Variants in ACP4 observed in about 807,000 individuals in gnomAD.
ACP4 encodes testicular acid phosphatase.
ACP4 carries 49 observed loss-of-function variants against 47.3 expected under a neutral mutation model. The ratio of observed to expected loss-of-function variants is 1.04; its 90% confidence interval spans 0.82 to 1.32. The LOEUF (loss-of-function observed/expected upper bound fraction) is 1.32. Among genes scored for constraint, ACP4 ranks in the 40% most tolerant of loss-of-function variants. ACP4 has a pLI of 0.00. For missense variants in ACP4, 594 were observed against 579.3 expected, an observed-to-expected ratio of 1.03 and a Z score of -0.26; for synonymous variants, 299 against 265.3, an observed-to-expected ratio of 1.13 and a Z score of -1.23.
At chr19:50,792,823 C>T (rs1599911601) in intron 6 of ACP4, 1 of 152,872 alleles carries the variant, frequency 6.5e-6, no homozygotes, top group Admixed American at 6.5e-5. Context: ...CTGAGGCAGG[C>T]AGGGGCACAC....
At chr19:50,794,287 T>C (rs1200907153) in intron 8 of ACP4, among the ~76,000 whole-genome samples, 170 bp from the exon 9 acceptor site, 2 of 152,198 alleles carry the variant, frequency 1.3e-5, no homozygotes, top group Non-Finnish European at 2.9e-5. Flanking sequence ...GAGCAATCTT[T>C]ATTAAGTGGC....
At chr19:50,794,608 A>T (rs753330814) in intron 9 of ACP4, 27 bp downstream of exon 9, 1 of 1,613,968 alleles carries the variant, frequency 6.2e-7, no homozygotes, top group African/African-American at 1.3e-5. Context: ...GCCCAGGGAC[A>T]TGGGTGGGAC....
At chr19:50,792,426 G>A in intron 6 of ACP4, 89 bp downstream of exon 6, 1 of 1,352,610 alleles carries the variant, frequency 7.4e-7, no homozygotes, top group Non-Finnish European at 1.0e-6. Context: ...CCTCAGGCAT[G>A]TAGTTAATCC....
In ACP4 at chr19:50,792,065, T is replaced by C. The variant is rs759788088; in HGVS notation, c.451-8T>C. 3.4e-5 allele frequency: 53 copies of C among 1,568,454 alleles called. No individual in the cohort carries two copies. Among genetic ancestry groups the C allele is most frequent in the Non-Finnish European group, 4.4e-5 (51 of 1,157,114 alleles). ...CGGCTGTCCTCTCTGAGACTCAGTT[T>C]TCCCCAGCTGCTGAGGTTCCCCATG... On this transcript the variant is annotated splice_polypyrimidine_tract_variant and splice_region_variant and intron_variant, in intron 4 of 10. Coordinates refer to ENST00000270593, the MANE Select transcript of ACP4 (RefSeq NM_033068.3).
At chr19:50,792,867 T>G (rs1568465191) in intron 6 of ACP4, 1 of 152,408 alleles carries the variant, frequency 6.6e-6, no homozygotes, top group East Asian at 1.9e-4. Flanking sequence ...AAAATTAATT[T>G]TTTGCAGAGA....
Position 50,791,824 on chromosome 19 carries a change from G to T in ACP4, c.450+22G>T, listed in dbSNP as rs867585660. 6 of 1,572,684 alleles carry T rather than the reference G, an allele frequency of 3.8e-6. No homozygotes were observed. In the South Asian group the frequency reaches 4.5e-5, roughly 12 times the overall value. ...TAAGGTCAGGGGGCTGGACCCACGT[G>T]TGGCGAGGGAGGGAGCGGGTGGAGA... On this transcript the variant is annotated intron_variant, in intron 4 of 10. Transcript: ENST00000270593.
chr19:50,793,904 T>C lies in ACP4; in HGVS notation c.795T>C (p.Ala265=), dbSNP rs757027707. The change falls in exon 8 of 11, where the codon GCT becomes GCC. Residue 265 remains alanine (A), a synonymous_variant. Transcript: ENST00000270593. The part of the protein sequence containing the change: ...AQLTGGILLN[A]ILANFSRVQR... ...CATCCTCAGGGATCCTGCTGAATGC[T>C]ATCCTTGCAAACTTCTCCCGGGTCC... is the stretch of plus-strand genomic sequence containing the variant. The C allele has an allele frequency of 1.9e-6, 3 of 1,614,070 alleles. No individual in the cohort carries two copies. Among genetic ancestry groups the C allele is most frequent in the Non-Finnish European group, 2.5e-6 (3 of 1,180,054 alleles).
In ACP4 at chr19:50,793,875, T is replaced by A; in HGVS notation, c.779-13T>A. On this transcript the variant is annotated splice_polypyrimidine_tract_variant and intron_variant, in intron 7 of 10. Coordinates refer to ENST00000270593, the MANE Select transcript of ACP4 (RefSeq NM_033068.3). Reference sequence around the variant, plus strand: ...CCTCTGGGAGAGTCTAAGCTCTTTTTTCCCATCCTCAGGGATCCTGCTGAA... The same window carrying A: ...CCTCTGGGAGAGTCTAAGCTCTTTTATCCCATCCTCAGGGATCCTGCTGAA... 6.2e-7 allele frequency: 1 copy of A among 1,614,162 alleles called. No individual in the cohort carries two copies. The highest frequency in any genetic ancestry group is 1.1e-5 in the South Asian group (1 of 91,090).
At position 50,794,801 on chromosome 19, in the gene ACP4, C is replaced by T. The variant is rs2089542176; in HGVS notation, c.1002C>T (p.Ser334=). Residue 334 remains serine (S), a synonymous_variant, in exon 10 of 11, where the codon TCC becomes TCT. Transcript: ENST00000270593. ...CTCTCTCCAGGAATGTCACCGTCTC[C>T]CTCTTCTACCGCAATGACTCCGCCC... is the stretch of plus-strand genomic sequence containing the variant. ...PAKDGGNVTV[S]LFYRNDSAHL... The T allele has an allele frequency of 6.2e-7, 1 of 1,604,366 alleles. No individual in the cohort carries two copies. Among genetic ancestry groups the T allele is most frequent in the Non-Finnish European group, 8.5e-7 (1 of 1,174,044 alleles).
At chr19:50,793,582 G>C in intron 6 of ACP4, 102 bp from the exon 7 acceptor site, 1 of 1,491,846 alleles carries the variant, frequency 6.7e-7, no homozygotes. Context: ...ATCCAGATCC[G>C]GCCCATGGGG....
rs1599910760 is a variant in ACP4 at position 50,791,928 on chromosome 19, G to C, written c.450+126G>C. On this transcript the variant is annotated intron_variant, in intron 4 of 10. Coordinates refer to ENST00000270593, the MANE Select transcript of ACP4 (RefSeq NM_033068.3). ...CCTCGAGCTGGTCTGTCCAGACCAG[G>C]GTGAGCCCCGGCCCACGCTGCTCTC... 2.1e-6 allele frequency: 3 copies of C among 1,450,520 alleles called. No individual in the cohort carries two copies. In the East Asian group the frequency reaches 7.5e-5, roughly 36 times the overall value. The allele number at this position is 1,450,520 out of a possible 1,614,324, so 89.9% of individuals were successfully genotyped here.
intron 9 of ACP4, 22 bp downstream of exon 9, chr19:50,794,603 G>A: frequency 6.2e-7 from 1 of 1,613,994 alleles, no homozygotes. Context: ...TTGGTGCCCA[G>A]GGACATGGGT....
In ACP4 at chr19:50,791,816, A is replaced by T. The variant is rs772721896; in HGVS notation, c.450+14A>T. 2 of 1,581,984 alleles carry T rather than the reference A, an allele frequency of 1.3e-6. No homozygotes were observed. The highest frequency in any genetic ancestry group is 1.7e-6 in the Non-Finnish European group (2 of 1,161,796). On this transcript the variant is annotated intron_variant, in intron 4 of 10. Coordinates refer to ENST00000270593, the MANE Select transcript of ACP4 (RefSeq NM_033068.3). ...GCTGAGGATAAGGTCAGGGGGCTGG[A>T]CCCACGTGTGGCGAGGGAGGGAGCG...
rs1432715198 is a variant in ACP4, at chr19:50,794,480, C to G, written c.885C>G (p.Leu295=). 1.2e-6 allele frequency: 2 copies of G among 1,613,486 alleles called. No homozygotes were observed. Among genetic ancestry groups the G allele is most frequent in the Non-Finnish European group, 1.7e-6 (2 of 1,179,914 alleles). Residue 295 remains leucine, a synonymous_variant, in exon 9 of 11, where the codon CTC becomes CTG. Coordinates refer to ENST00000270593, the MANE Select transcript of ACP4 (RefSeq NM_033068.3). ...YSAHDSTLLA[L]QGALGLYDGH... The stretch of plus-strand genomic sequence containing the variant: ...AGCATGACAGCACCCTGCTGGCCCT[C>G]CAGGGGGCCCTGGGCCTCTATGATG...
At position 50,794,981 on chromosome 19, in the gene ACP4, T is replaced by C; in HGVS notation, c.1165+17T>C. ...TCCCCCCAGGTGACAGTCCTCTGTG[T>C]TGGGGTGGGAGTGGAGGGTTGCCAA... On this transcript the variant is annotated intron_variant, in intron 10 of 10. Coordinates refer to ENST00000270593, the MANE Select transcript of ACP4 (RefSeq NM_033068.3). 1 of 1,613,466 alleles carries C rather than the reference T, an allele frequency of 6.2e-7. No individual in the cohort carries two copies. The highest frequency in any genetic ancestry group is 1.7e-4 in the Middle Eastern group (1 of 6,056).
chr19:50,790,892 T>C (rs750759139), intron 3 of ACP4, 32 bp downstream of exon 3: 278 of 1,529,814 alleles, frequency 1.8e-4, no homozygotes, highest in Non-Finnish European at 2.3e-4. Flanking sequence ...CCTGGCCCCC[T>C]GACCTCCCAC....
chr19:50,793,821 G>A lies in ACP4; in HGVS notation c.778+5G>A, dbSNP rs1268053537. Reference sequence around the variant, plus strand: ...AGAAGGCCCAGCTGACAGGGGGTGAGGTGTGGGTCTGGGAGGCTGGGGTGC... The same window carrying A: ...AGAAGGCCCAGCTGACAGGGGGTGAAGTGTGGGTCTGGGAGGCTGGGGTGC... On this transcript the variant is annotated splice_donor_5th_base_variant and intron_variant, in intron 7 of 10. Coordinates refer to ENST00000270593, the MANE Select transcript of ACP4 (RefSeq NM_033068.3). 1 of 1,614,044 alleles carries A rather than the reference G, an allele frequency of 6.2e-7. No homozygotes were observed. Among genetic ancestry groups the A allele is most frequent in the South Asian group, 1.1e-5 (1 of 91,092 alleles).
intron 6 of ACP4, 60 bp from the exon 7 acceptor site, chr19:50,793,624 T>C (rs1284277324): frequency 3.1e-6 from 5 of 1,593,348 alleles, no homozygotes; most frequent in African/African-American, 2.7e-5. Flanking sequence ...AGCACAGGCC[T>C]GCGGGGCCAG....
Position 50,792,134 on chromosome 19 carries a change from A to T in ACP4, c.512A>T (p.Glu171Val), listed in dbSNP as rs1380114531. ...CACGAGCTGCTGCGGGAGGCCACCG[A>T]GGCCGCCGAGTACCAGGAGGCCCTG... ...RYHELLREAT[E>V]AAEYQEALEG... The change falls in exon 5 of 11, where the codon GAG becomes GTG. Residue 171 changes from glutamate to valine, a missense_variant. By Grantham distance (121) the Glu-to-Val change is moderately radical. Transcript: ENST00000270593. 6.2e-7 allele frequency: 1 copy of T among 1,608,518 alleles called. No individual in the cohort carries two copies. Among genetic ancestry groups the T allele is most frequent in the Admixed American group, 1.7e-5 (1 of 59,614 alleles).
Sources: allele counts gnomAD v4.1 joint callset (sites outside exome capture counted in the v4.1 genomes callset), GRCh38; gene constraint gnomAD v4.1.1; transcripts MANE v1.5; gene names NCBI Gene and HGNC (gene_info 2026-07-23, HGNC 2026-07-21).